The following SHMT1 variants were observed in gnomAD, a reference collection of about 807,000 sequenced individuals.
The protein encoded by SHMT1 is serine hydroxymethyltransferase 1.
In SHMT1, 45 loss-of-function variants were observed where a neutral mutation model predicts 49.0. That is an observed-to-expected ratio of 0.92 (90% CI 0.72 to 1.18). SHMT1 has a LOEUF of 1.18. SHMT1 is among the 50% of genes most tolerant of loss of function. SHMT1 has a pLI of 0.00. For synonymous variants in SHMT1, 232 were observed against 246.6 expected (o/e 0.94, Z 0.55); for missense variants, 541 against 612.4 (o/e 0.88, Z 1.23).
intron 8 of SHMT1, 62 bp from the exon 9 acceptor site, chr17:18,333,350 AAAC>A (rs1482114798): frequency 4.5e-6 from 7 of 1,552,740 alleles, no homozygotes; most frequent in Non-Finnish European, 5.3e-6. Context: ...ATGATGAGTC[AAAC>A]AACATTCCTG....
chr17:18,329,055 C>A, intron 11 of SHMT1, 136 bp from the exon 12 acceptor site: 1 of 1,162,854 alleles, frequency 8.6e-7, no homozygotes, highest in East Asian at 2.5e-5. Flanking sequence ...ATGCTTACCT[C>A]AATTACTCTG....
intron 1 of SHMT1, among the ~76,000 whole-genome samples, chr17:18,361,326 A>T (rs1480768020): frequency 6.6e-6 from 1 of 151,020 alleles, no homozygotes; most frequent in Non-Finnish European, 1.5e-5. Flanking sequence ...CAAAAACAAA[A>T]ATTAGCCAGG....
At chr17:18,350,823 C>A (rs185843109) in intron 3 of SHMT1, among the ~76,000 whole-genome samples, 8 of 151,560 alleles carry the variant, frequency 5.3e-5, no homozygotes, top group Admixed American at 2.0e-4. Flanking sequence ...ACCTCCGCCT[C>A]CCAAGTTCAA....
intron 7 of SHMT1, among the ~76,000 whole-genome samples, chr17:18,336,597 T>G (rs1055507900): frequency 3.3e-5 from 5 of 149,460 alleles, no homozygotes; most frequent in Non-Finnish European, 7.4e-5. Context: ...ACCCGGGAGG[T>G]GGAGGTTGTA....
intron 4 of SHMT1, 52 bp from the exon 5 acceptor site, chr17:18,347,708 G>T: frequency 6.2e-7 from 1 of 1,607,264 alleles, no homozygotes; most frequent in Non-Finnish European, 8.5e-7. Flanking sequence ...GAGGTACCAA[G>T]TGGCATCCGG....
At chr17:18,357,707 G>C (rs1259519751) in intron 1 of SHMT1, among the ~76,000 whole-genome samples, 1 of 151,910 alleles carries the variant, frequency 6.6e-6, no homozygotes, top group South Asian at 2.1e-4. Context: ...TTCAAGTAAT[G>C]AAATTGAGGC....
At position 18,340,852 on chromosome 17, in the gene SHMT1, C is replaced by T. The variant is rs1598033715; in HGVS notation, c.520-39G>A. On this transcript the variant is annotated intron_variant, in intron 5 of 11. Coordinates refer to ENST00000316694, the MANE Select transcript of SHMT1 (RefSeq NM_004169.5). The surrounding 1 kb of genome is among the most constrained non-coding windows in gnomAD (Gnocchi z 4.5). The stretch of plus-strand genomic sequence containing the variant: ...GGGAGGCAGGTTCAGGCTGCTTCCT[C>T]CAACCACACCTGCCTCCTGTCCTCC... The T allele has an allele frequency of 1.4e-6, 2 of 1,455,646 alleles. No individual in the cohort carries two copies. The highest frequency in any genetic ancestry group is 1.8e-5 in the Admixed American group (1 of 56,398). 90.2% of individuals were successfully genotyped at this position (1,455,646 alleles called of 1,614,324 possible).
chr17:18,361,161 C>T (rs531209837), intron 1 of SHMT1, among the ~76,000 whole-genome samples: 6 of 151,900 alleles, frequency 3.9e-5, no homozygotes, highest in African/African-American at 1.4e-4. Context: ...CAAAAATGAG[C>T]TGGGTGTGTG....
intron 3 of SHMT1, among the ~76,000 whole-genome samples, chr17:18,351,095 TA>T (rs1297293710): frequency 6.6e-6 from 1 of 152,054 alleles, no homozygotes; most frequent in Non-Finnish European, 1.5e-5. Context: ...AATATTAAAT[TA>T]TATTAACAAA....
intron 1 of SHMT1, among the ~76,000 whole-genome samples, chr17:18,358,423 G>A (rs959069421): frequency 1.3e-5 from 2 of 151,150 alleles, no homozygotes; most frequent in Non-Finnish European, 2.9e-5. Context: ...CTGGGAGTCA[G>A]AGGTTGCAGT....
intron 7 of SHMT1, among the ~76,000 whole-genome samples, chr17:18,338,702 T>C (rs1984130690): frequency 6.6e-6 from 1 of 152,218 alleles, no homozygotes; most frequent in Non-Finnish European, 1.5e-5. Flanking sequence ...GATTCCATTT[T>C]GTTCTGTACT....
chr17:18,330,992 T>C, intron 9 of SHMT1: 1 of 395,774 alleles, frequency 2.5e-6, no homozygotes, highest in Non-Finnish European at 4.8e-6. Flanking sequence ...CTAACATTGA[T>C]GGTAAAGGCT....
chr17:18,337,854 G>A (rs1348064215), intron 7 of SHMT1, among the ~76,000 whole-genome samples: 1 of 152,212 alleles, frequency 6.6e-6, no homozygotes, highest in Non-Finnish European at 1.5e-5. Context: ...GATTGCAGAC[G>A]GAGTCTCGTT....
chr17:18,343,162 C>G (rs939542637), intron 5 of SHMT1, among the ~76,000 whole-genome samples: 5 of 151,764 alleles, frequency 3.3e-5, no homozygotes, highest in African/African-American at 1.2e-4. Flanking sequence ...ATATACAAAT[C>G]ATAACATCAC....
At chr17:18,337,345 G>GA (rs1251063660) in intron 7 of SHMT1, among the ~76,000 whole-genome samples, 2 of 152,098 alleles carry the variant, frequency 1.3e-5, no homozygotes, top group East Asian at 1.9e-4. Flanking sequence ...CACAGTGGGG[G>GA]AAAAAACCAA....
At position 18,340,291 on chromosome 17, in the gene SHMT1, T is replaced by C. The variant is rs1224685650; in HGVS notation, c.602-36A>G. On this transcript the variant is annotated intron_variant, in intron 6 of 11. Coordinates refer to ENST00000316694, the MANE Select transcript of SHMT1 (RefSeq NM_004169.5). The surrounding 1 kb of genome is among the most constrained non-coding windows in gnomAD (Gnocchi z 4.5). ...AAAGGTGACACAGCTGCATCAGAGATGTCCACCGGCCAGCTGAGTTGGCTT... is the reference window on the plus strand; with the variant it reads ...AAAGGTGACACAGCTGCATCAGAGACGTCCACCGGCCAGCTGAGTTGGCTT... 1 of 1,607,466 alleles carries C rather than the reference T, an allele frequency of 6.2e-7. No individual in the cohort carries two copies.
At chr17:18,355,723 A>G (rs1986178481) in intron 2 of SHMT1, among the ~76,000 whole-genome samples, 163 bp downstream of exon 2, 1 of 152,118 alleles carries the variant, frequency 6.6e-6, no homozygotes, top group African/African-American at 2.4e-5. Flanking sequence ...CAATCTTTAA[A>G]TTTACCCTCA....
chr17:18,358,836 G>C (rs1986492235), intron 1 of SHMT1, among the ~76,000 whole-genome samples: 1 of 152,184 alleles, frequency 6.6e-6, no homozygotes, highest in Admixed American at 6.6e-5. Context: ...CTGGAAGCTA[G>C]AGGTTGCAAT....
Position 18,356,000 on chromosome 17 carries a change from C to A in SHMT1, c.-19G>T, listed in dbSNP as rs374036691. On this transcript the variant is annotated splice_region_variant and 5_prime_UTR_variant, in exon 2 of 12. Transcript: ENST00000316694. ...TCGTCATTGCACTGGTTCGAAGCTG[C>A]CTAAAAAAATGGGAAAAACATGTGT... 8 of 1,553,286 alleles carry A rather than the reference C, an allele frequency of 5.2e-6. No homozygotes were observed. In the African/African-American group the frequency reaches 9.5e-5, roughly 19 times the overall value.
Sources: gnomAD v4.1 joint callset for allele counts (sites outside exome capture counted in the v4.1 genomes callset) on GRCh38, gnomAD v4.1.1 for gene constraint, Gnocchi (gnomAD v3.1) non-coding constraint, MANE v1.5 for transcripts, NCBI Gene and HGNC (gene_info 2026-07-23, HGNC 2026-07-21) for gene names.